The following NKIRAS1 variants were observed in gnomAD, a reference collection of about 807,000 sequenced individuals.
The protein encoded by NKIRAS1 is NF-kappa-B inhibitor-interacting Ras-like protein 1.
NKIRAS1 carries 16 observed loss-of-function variants against 19.8 expected under a neutral mutation model. The ratio of observed to expected loss-of-function variants is 0.81; its 90% CI spans 0.55 to 1.23. The LOEUF (loss-of-function observed/expected upper bound fraction) is 1.23, where lower values mean the gene tolerates loss of function less well. NKIRAS1 is among the 50% of genes most tolerant of loss of function. The pLI, the probability that NKIRAS1 is intolerant of heterozygous loss-of-function variation, is 0.00. For synonymous variants in NKIRAS1, 88 were observed against 79.0 expected, an observed-to-expected ratio of 1.11 and a Z score of -0.61; for missense variants, 184 against 220.0, an observed-to-expected ratio of 0.84 and a Z score of 1.04.
intron 1 of NKIRAS1, among the ~76,000 whole-genome samples, chr3:23,914,453 T>C (rs1340125193): frequency 2.0e-5 from 3 of 152,350 alleles, no homozygotes; most frequent in East Asian, 1.9e-4. Context: ...TATTTACTTA[T>C]GTCAACATTA....
chr3:23,944,506 C>T (rs998322357), intron 1 of NKIRAS1, among the ~76,000 whole-genome samples: 2 of 152,184 alleles, frequency 1.3e-5, no homozygotes, highest in Admixed American at 1.3e-4. Flanking sequence ...AGCACGCATA[C>T]AATTTATGTC....
At chr3:23,912,651 G>C (rs986214965) in intron 1 of NKIRAS1, among the ~76,000 whole-genome samples, 4 of 152,148 alleles carry the variant, frequency 2.6e-5, no homozygotes, top group African/African-American at 7.2e-5. Context: ...CAAAGATCTA[G>C]AACTAGAAAT....
Position 23,893,243 on chromosome 3 carries a change from A to G in NKIRAS1, c.431T>C (p.Val144Ala), listed in dbSNP as rs1172435612. Residue 144 changes from valine to alanine, a missense_variant, in exon 5 of 5, where the codon GTA becomes GCA. Coordinates refer to ENST00000425478, the MANE Select transcript of NKIRAS1 (RefSeq NM_020345.4). ...VAQQWAKSEK[V>A]RLWEVTVTDR... ...TGTAACAGTCACCTCCCACAGTCTT[A>G]CTTTCTCACTTTTTGCCCACTGCTG... 2 of 1,614,166 alleles carry G rather than the reference A, an allele frequency of 1.2e-6. No individual in the cohort carries two copies. Among genetic ancestry groups the G allele is most frequent in the Admixed American group, 3.3e-5 (2 of 60,016 alleles).
At chr3:23,920,729 C>A, upstream of NKIRAS1, 3 of 982,466 alleles carry the variant, frequency 3.1e-6, no homozygotes, top group Non-Finnish European at 3.6e-6. Flanking sequence ...ATAGCAAGTT[C>A]ATAAAAGTTC....
intron 1 of NKIRAS1, among the ~76,000 whole-genome samples, chr3:23,941,412 G>A (rs1052623999): frequency 2.0e-5 from 3 of 152,190 alleles, no homozygotes; most frequent in South Asian, 2.1e-4. Flanking sequence ...GGGCTAATGA[G>A]GTAGCTTTCC....
At chr3:23,918,044 C>T (rs775464348), upstream of NKIRAS1, 14 of 1,602,608 alleles carry the variant, frequency 8.7e-6, no homozygotes, top group South Asian at 6.7e-5. Flanking sequence ...ACGTGATCGA[C>T]TGCGTGGATG....
intron 1 of NKIRAS1, chr3:23,946,217 C>T (rs955558309): frequency 1.3e-4 from 131 of 985,314 alleles, no homozygotes; most frequent in Non-Finnish European, 1.4e-4. Context: ...GGCGCTGACA[C>T]CGCAGTGCAC....
chr3:23,921,592 T>A (rs1559513577), upstream of NKIRAS1: 5 of 678,542 alleles, frequency 7.4e-6, no homozygotes, highest in South Asian at 7.9e-5. Flanking sequence ...TTTTTTTTTT[T>A]TCCAGATGGA....
intron 1 of NKIRAS1, among the ~76,000 whole-genome samples, chr3:23,937,064 C>A (rs1021944854): frequency 2.0e-5 from 3 of 152,176 alleles, no homozygotes; most frequent in Non-Finnish European, 4.4e-5. Flanking sequence ...GTCTCTAAGT[C>A]TCCTCTAAGT....
chr3:23,919,642 A>T (rs1284701168), upstream of NKIRAS1: 1 of 1,420,958 alleles, frequency 7.0e-7, no homozygotes, highest in African/African-American at 1.4e-5. Flanking sequence ...AAAGTGCAAT[A>T]ATGTTTGAAG....
At chr3:23,925,276 T>G (rs968710763) in intron 1 of NKIRAS1, among the ~76,000 whole-genome samples, 2 of 152,132 alleles carry the variant, frequency 1.3e-5, no homozygotes, top group Admixed American at 6.5e-5. Context: ...CAGTCCACAC[T>G]GGTAGAGAGA....
intron 1 of NKIRAS1, among the ~76,000 whole-genome samples, chr3:23,934,844 ACTT>A (rs76158969): frequency 6.7e-3 from 930 of 139,036 alleles, no homozygotes; most frequent in Middle Eastern, 0.025. Context: ...AAAAAAAAAA[ACTT>A]ACAGAGAATA....
At position 23,926,468 on chromosome 3, in the gene NKIRAS1, C is replaced by T. The variant is rs539856298; in HGVS notation, c.-139-15018G>A. On this transcript the variant is annotated intron_variant, in intron 1 of 4. Coordinates refer to the NKIRAS1 transcript ENST00000421515. This position sits in a 1 kb window ranked among gnomAD's most constrained non-coding sequence, Gnocchi z 4.3. ...CCTCCTCTTCTCTCTTTTTTCTCTT[C>T]TTCCTCTTTCTCTCCTTCTCTTTCC... is the stretch of plus-strand genomic sequence containing the variant. 1.6e-3 allele frequency among the ~76,000 whole-genome samples: 240 copies of T among 152,146 alleles called. No homozygotes were observed. Among genetic ancestry groups the T allele is most frequent in the Non-Finnish European group, 2.5e-3 (168 of 67,986 alleles).
intron 4 of NKIRAS1, among the ~76,000 whole-genome samples, chr3:23,894,773 G>C (rs890868643): frequency 3.3e-5 from 5 of 151,978 alleles, no homozygotes; most frequent in African/African-American, 1.2e-4. Flanking sequence ...ACCTCCAATG[G>C]TGTCCTTCTC....
intron 1 of NKIRAS1, among the ~76,000 whole-genome samples, chr3:23,913,687 ATAAT>A (rs1406255576): frequency 1.3e-5 from 2 of 152,258 alleles, no homozygotes; most frequent in Non-Finnish European, 2.9e-5. Context: ...TAAAGCACTT[ATAAT>A]TATTTAATAA....
rs72627090 is a variant in NKIRAS1, at chr3:23,931,839, G to A, written c.-140+14484C>T. Among the ~76,000 whole-genome samples, 548 of 152,210 alleles carry A rather than the reference G, an allele frequency of 3.6e-3. 14 individuals are homozygous for A. The East Asian group carries it at 0.05, about 14-fold the overall frequency. ...AACCACCCAGTGACTTCAGAAACTC[G>A]GCATTGGCTGTCAGCTCCTTGCCCC... On this transcript the variant is annotated intron_variant, in intron 1 of 4. Transcript: ENST00000421515.
chr3:23,910,139 G>A (rs1476799134), intron 3 of NKIRAS1, among the ~76,000 whole-genome samples: 1 of 147,134 alleles, frequency 6.8e-6, no homozygotes, highest in African/African-American at 2.5e-5. Flanking sequence ...TTACTGGTGT[G>A]AGCCACTGCG....
intron 1 of NKIRAS1, among the ~76,000 whole-genome samples, chr3:23,911,765 CTTT>C (rs535208116): frequency 2.9e-5 from 4 of 138,100 alleles, no homozygotes; most frequent in Non-Finnish European, 3.1e-5. Flanking sequence ...GTCACGTGGG[CTTT>C]TTTTTTTTTT....
intron 1 of NKIRAS1, among the ~76,000 whole-genome samples, chr3:23,938,300 C>G (rs182055230): frequency 9.3e-5 from 14 of 151,018 alleles, no homozygotes; most frequent in African/African-American, 3.2e-4. Flanking sequence ...GCCTCTATCT[C>G]CCAGGCTCAA....
Sources: gnomAD v4.1 joint callset for allele counts (sites outside exome capture counted in the v4.1 genomes callset) on GRCh38, gnomAD v4.1.1 for gene constraint, Gnocchi (gnomAD v3.1) non-coding constraint, MANE v1.5 for transcripts, NCBI Gene and HGNC (gene_info 2026-07-23, HGNC 2026-07-21) for gene names.